The following BNC2 variants were observed in gnomAD, a reference collection of about 807,000 sequenced individuals.
BNC2 encodes basonuclin zinc finger protein 2, also known as zinc finger protein basonuclin-2.
Under a neutral mutation model 76.3 loss-of-function variants are expected in BNC2, and 20 were observed. That is an observed-to-expected ratio of 0.26 (90% confidence interval 0.18 to 0.38). The LOEUF is 0.38. Among genes scored for constraint, BNC2 ranks in the 10% least tolerant of loss-of-function variants. The probability of loss-of-function intolerance (pLI) is 1.00; values close to 1 mark genes in which losing one functional copy is unlikely to be tolerated. For synonymous variants in BNC2, 582 were observed against 514.8 expected (o/e 1.13, Z -1.77); for missense variants, 1,382 against 1,399.8 (o/e 0.99, Z 0.20).
chr9:16,531,170 A>C (rs1817962989), intron 5 of BNC2, among the ~76,000 whole-genome samples: 1 of 152,212 alleles, frequency 6.6e-6, no homozygotes, highest in African/African-American at 2.4e-5. Flanking sequence ...AACACTTGCA[A>C]GGAAGAAGGT....
chr9:16,621,207 C>G (rs1319420976), intron 3 of BNC2, among the ~76,000 whole-genome samples: 2 of 152,148 alleles, frequency 1.3e-5, no homozygotes, highest in African/African-American at 4.8e-5. Flanking sequence ...AGAGGGAAGA[C>G]TTTGCCAATT....
At chr9:16,552,816 A>G in intron 4 of BNC2, 51 bp from the exon 5 acceptor site, 1 of 1,434,112 alleles carries the variant, frequency 7.0e-7, no homozygotes, top group African/African-American at 1.4e-5. Context: ...GGAATAAGAT[A>G]AAGAGAGAGA....
At chr9:16,519,590 T>A (rs1817552139) in intron 5 of BNC2, among the ~76,000 whole-genome samples, 2 of 152,144 alleles carry the variant, frequency 1.3e-5, no homozygotes, top group Admixed American at 6.5e-5. Flanking sequence ...AAACATGAGG[T>A]TAGACGGAAA....
intron 4 of BNC2, among the ~76,000 whole-genome samples, chr9:16,554,210 A>G (rs952116095): frequency 1.3e-5 from 2 of 152,204 alleles, no homozygotes; most frequent in Admixed American, 6.5e-5. Flanking sequence ...CTATTTTACT[A>G]CACCAATATT....
At position 16,417,512 on chromosome 9, in the gene BNC2, A is replaced by G. The variant is rs539322873; in HGVS notation, c.*1477T>C. 1 of 151,606 alleles carries G rather than the reference A, an allele frequency of 6.6e-6. No homozygotes were observed. The highest frequency in any genetic ancestry group is 2.3e-4 in the South Asian group (1 of 4,336). The allele number at this position is 151,606 out of a possible 1,614,324, so 9.4% of individuals were successfully genotyped here. The stretch of plus-strand genomic sequence containing the variant: ...GTGTTGCTCCATTCAAGTTTAGCAC[A>G]TGTTTTCAAAGCTTCCAAGTACTGC... On this transcript the variant is annotated 3_prime_UTR_variant, in exon 7 of 7. Coordinates refer to ENST00000380672, the MANE Select transcript of BNC2 (RefSeq NM_017637.6).
chr9:16,525,142 T>G (rs910747354), intron 5 of BNC2, among the ~76,000 whole-genome samples: 1 of 116,446 alleles, frequency 8.6e-6, no homozygotes, highest in African/African-American at 4.3e-5. Flanking sequence ...TAGATAACAT[T>G]GATAACTAGA....
chr9:16,842,141 G>C (rs1818846699), intron 1 of BNC2, among the ~76,000 whole-genome samples: 1 of 152,192 alleles, frequency 6.6e-6, no homozygotes, highest in East Asian at 1.9e-4. Flanking sequence ...ATATTTTTTG[G>C]AGTTTTGAAG....
chr9:16,849,638 C>T (rs979656643), intron 1 of BNC2, among the ~76,000 whole-genome samples: 1 of 152,098 alleles, frequency 6.6e-6, no homozygotes, highest in African/African-American at 2.4e-5. Flanking sequence ...GGACTATAGG[C>T]GTGAGCCACC....
chr9:16,822,207 G>A (rs1818353864), intron 1 of BNC2, among the ~76,000 whole-genome samples: 1 of 151,948 alleles, frequency 6.6e-6, no homozygotes, highest in Non-Finnish European at 1.5e-5. Flanking sequence ...CAGGCTGCGG[G>A]GAGGAAGAGG....
intron 1 of BNC2, among the ~76,000 whole-genome samples, chr9:16,748,374 A>G (rs10962565): frequency 0.86 from 130,751 of 151,958 alleles, 56,649 homozygotes; most frequent in Non-Finnish European, 0.91. Context: ...TTAGTTGGGC[A>G]TGGTGGTACG....
chr9:16,537,766 G>T (rs1249088087), intron 5 of BNC2, among the ~76,000 whole-genome samples: 3 of 152,182 alleles, frequency 2.0e-5, no homozygotes, highest in African/African-American at 7.2e-5. Context: ...TAAACTATCA[G>T]ACACTCCTTA....
chr9:16,469,452 G>C (rs1387972933), intron 5 of BNC2, among the ~76,000 whole-genome samples: 1 of 152,226 alleles, frequency 6.6e-6, no homozygotes, highest in African/African-American at 2.4e-5. Flanking sequence ...TATGTAAGCA[G>C]TGGCTTTCGC....
At chr9:16,664,341 G>T in intron 3 of BNC2, among the ~76,000 whole-genome samples, 1 of 152,094 alleles carries the variant, frequency 6.6e-6, no homozygotes, top group Non-Finnish European at 1.5e-5. Flanking sequence ...GCTGCACTTT[G>T]CCCAGAATGT....
intron 1 of BNC2, among the ~76,000 whole-genome samples, chr9:16,784,090 G>A (rs181186668): frequency 1.3e-5 from 2 of 152,252 alleles, no homozygotes; most frequent in African/African-American, 2.4e-5. Context: ...AGGAATGGAG[G>A]AAAGCATCAC....
chr9:16,589,410 T>G (rs751994195), intron 3 of BNC2, among the ~76,000 whole-genome samples: 18 of 152,098 alleles, frequency 1.2e-4, no homozygotes, highest in Non-Finnish European at 1.9e-4. Context: ...GGTCTCAAAC[T>G]CCTAAGCTCA....
chr9:16,505,403 G>C (rs1028653566), intron 5 of BNC2, among the ~76,000 whole-genome samples: 10 of 152,148 alleles, frequency 6.6e-5, no homozygotes, highest in South Asian at 6.2e-4. Flanking sequence ...GCAGGGCCAG[G>C]CACCAACACT....
chr9:16,710,680 C>G (rs1264431733), intron 3 of BNC2, among the ~76,000 whole-genome samples: 2 of 152,146 alleles, frequency 1.3e-5, no homozygotes, highest in African/African-American at 4.8e-5. Flanking sequence ...TCTGTCCCAT[C>G]CAAGCCACCC....
At chr9:16,531,120 C>A (rs1287211072) in intron 5 of BNC2, among the ~76,000 whole-genome samples, 1 of 152,154 alleles carries the variant, frequency 6.6e-6, no homozygotes. Context: ...TTAAAAATTA[C>A]TTAAATGTTC....
At chr9:16,707,523 A>T (rs1211445248) in intron 3 of BNC2, among the ~76,000 whole-genome samples, 2 of 152,218 alleles carry the variant, frequency 1.3e-5, no homozygotes. Flanking sequence ...CCTGCAGTAC[A>T]TGTAACCCTC....
Sources: gnomAD v4.1 joint callset for allele counts (sites outside exome capture counted in the v4.1 genomes callset) on GRCh38, gnomAD v4.1.1 for gene constraint, MANE v1.5 for transcripts, NCBI Gene and HGNC (gene_info 2026-07-23, HGNC 2026-07-21) for gene names.